The following CHD6 variants were observed in gnomAD, a reference collection of about 807,000 sequenced individuals.
CHD6 encodes ATP-dependent chromatin remodeler CHD6.
In CHD6, 50 loss-of-function variants were observed where a neutral mutation model predicts 276.9. The ratio of observed to expected loss-of-function variants is 0.18; its 90% CI spans 0.14 to 0.23. CHD6 has a LOEUF of 0.23. Among genes scored for constraint, CHD6 ranks in the 10% least tolerant of loss-of-function variants. The probability of loss-of-function intolerance (pLI) is 1.00; values close to 1 mark genes in which losing one functional copy is unlikely to be tolerated. For missense variants in CHD6, 2,564 were observed against 3,365.8 expected (o/e 0.76, Z 5.89); for synonymous variants, 1,173 against 1,229.3 (o/e 0.95, Z 0.96).
At chr20:41,530,791 A>T (rs1259577223) in intron 3 of CHD6, among the ~76,000 whole-genome samples, 1 of 152,240 alleles carries the variant, frequency 6.6e-6, no homozygotes, top group Non-Finnish European at 1.5e-5. Flanking sequence ...AGCTCATGTA[A>T]CTTGTCCACA....
At chr20:41,558,790 A>G (rs557252070) in intron 1 of CHD6, among the ~76,000 whole-genome samples, 9 of 152,044 alleles carry the variant, frequency 5.9e-5, no homozygotes, top group Non-Finnish European at 1.2e-4. Context: ...CTCTCCTCAA[A>G]TATCACCTTA....
chr20:41,498,811 A>ATGTATGTGTGTG (rs1555796111), intron 6 of CHD6, among the ~76,000 whole-genome samples: 14 of 86,608 alleles, frequency 1.6e-4, no homozygotes, highest in East Asian at 3.4e-4. Flanking sequence ...GTATGTATGT[A>ATGTATGTGTGTG]TGTGTGTGTG....
Position 41,404,548 on chromosome 20 carries a change from A to T in CHD6, c.*45T>A. ...GAGGGAAGTAACAAACCTTTATGGG[A>T]TAAGAAACTTACAAGTCACAATAAT... is the stretch of plus-strand genomic sequence containing the variant. On this transcript the variant is annotated 3_prime_UTR_variant, in exon 37 of 37. Coordinates refer to ENST00000373233, the MANE Select transcript of CHD6 (RefSeq NM_032221.5). The T allele has an allele frequency of 6.8e-7, 1 of 1,469,112 alleles. No individual in the cohort carries two copies. The highest frequency in any genetic ancestry group is 9.0e-7 in the Non-Finnish European group (1 of 1,108,698). The allele number at this position is 1,469,112 out of a possible 1,614,324, so 91.0% of individuals were successfully genotyped here. A position where few individuals can be genotyped will look rare whatever the true frequency, so the allele number is the denominator to read the frequency against.
chr20:41,595,986 C>G (rs1449296275), intron 1 of CHD6, among the ~76,000 whole-genome samples: 1 of 152,132 alleles, frequency 6.6e-6, no homozygotes, highest in African/African-American at 2.4e-5. Context: ...CCCCTGAAAA[C>G]AGAATCCCTA....
intron 1 of CHD6, among the ~76,000 whole-genome samples, chr20:41,553,499 CCTT>C (rs1257133722): frequency 6.6e-5 from 10 of 152,186 alleles, no homozygotes; most frequent in East Asian, 3.9e-4. Context: ...AACTTCCTCT[CCTT>C]CTTTGTTCTT....
rs374645887 is a variant in CHD6 at position 41,498,783 on chromosome 20, A to G, written c.915+512T>C. 1.5e-3 allele frequency among the ~76,000 whole-genome samples: 184 copies of G among 122,856 alleles called. 1 individual carries two copies. The highest frequency in any genetic ancestry group is 3.8e-3 in the African/African-American group (136 of 35,958). 80.6% of individuals were successfully genotyped at this position (122,856 alleles called of 152,430 possible). A position where few individuals can be genotyped will look rare whatever the true frequency, so the allele number is the denominator to read the frequency against. On this transcript the variant is annotated intron_variant, in intron 6 of 36. Transcript: ENST00000373233. ...GACTCATATGGGTGTGTATGTGTGT[A>G]TGTATGTATGTATGTATGTATGTAT...
chr20:41,561,270 C>T (rs867602928), intron 1 of CHD6, among the ~76,000 whole-genome samples: 2 of 152,182 alleles, frequency 1.3e-5, no homozygotes, highest in African/African-American at 4.8e-5. Context: ...ATTAAATCAA[C>T]ATTTAATTCA....
intron 5 of CHD6, among the ~76,000 whole-genome samples, chr20:41,506,737 A>C (rs1026431874): frequency 1.3e-5 from 2 of 152,186 alleles, no homozygotes; most frequent in Non-Finnish European, 2.9e-5. Context: ...AAAATCTGGC[A>C]AACACTGGAG....
intron 17 of CHD6, among the ~76,000 whole-genome samples, chr20:41,463,820 T>C (rs2042856383): frequency 1.3e-5 from 2 of 152,120 alleles, no homozygotes; most frequent in African/African-American, 2.4e-5. Context: ...GAACTGTGGA[T>C]TGGAGAATAG....
intron 24 of CHD6, among the ~76,000 whole-genome samples, chr20:41,446,707 G>T (rs1041278582): frequency 2.0e-5 from 3 of 152,110 alleles, no homozygotes; most frequent in African/African-American, 7.2e-5. Flanking sequence ...GGCTCTGCCT[G>T]CCCAGTGCCA....
chr20:41,565,346 G>C (rs1016811106), intron 1 of CHD6, among the ~76,000 whole-genome samples: 1 of 152,028 alleles, frequency 6.6e-6, no homozygotes, highest in Non-Finnish European at 1.5e-5. Flanking sequence ...CACCCGCCTC[G>C]GCCTCCCAAA....
At chr20:41,450,866 T>C in intron 23 of CHD6, 80 bp downstream of exon 23, 1 of 1,294,294 alleles carries the variant, frequency 7.7e-7, no homozygotes, top group Non-Finnish European at 1.1e-6. Context: ...GAGCATGAAG[T>C]GCTCTCCCTG....
intron 36 of CHD6, among the ~76,000 whole-genome samples, chr20:41,406,265 T>C (rs2046672046): frequency 6.6e-6 from 1 of 152,226 alleles, no homozygotes; most frequent in Non-Finnish European, 1.5e-5. Context: ...AGACCATCTA[T>C]TTTTTCTCTA....
intron 1 of CHD6, among the ~76,000 whole-genome samples, chr20:41,571,389 A>ATTTTTT (rs11373605): frequency 1.5e-5 from 2 of 129,964 alleles, no homozygotes; most frequent in African/African-American, 6.0e-5. Context: ...CTGGCCATTA[A>ATTTTTT]TTTTTTTTTT....
intron 5 of CHD6, among the ~76,000 whole-genome samples, chr20:41,504,970 G>A (rs973024390): frequency 5.3e-5 from 8 of 152,162 alleles, no homozygotes; most frequent in Non-Finnish European, 8.8e-5. Context: ...GGGCGAGGGG[G>A]TGGTCCCTTT....
At chr20:41,603,641 G>A (rs2045795939) in intron 1 of CHD6, among the ~76,000 whole-genome samples, 1 of 152,154 alleles carries the variant, frequency 6.6e-6, no homozygotes, top group African/African-American at 2.4e-5. Flanking sequence ...CAAGGCAGGT[G>A]GATTGCCTGA....
At position 41,539,019 on chromosome 20, in the gene CHD6, C is replaced by T. The variant is rs150692593; in HGVS notation, c.34-5449G>A. On this transcript the variant is annotated intron_variant, in intron 2 of 36. Coordinates refer to ENST00000373233, the MANE Select transcript of CHD6 (RefSeq NM_032221.5). ...ATACCCTGCATGGACTGCCCAGATACGCCGCAGTGACTCCACTGAACTCTA... is the reference window on the plus strand; with the variant it reads ...ATACCCTGCATGGACTGCCCAGATATGCCGCAGTGACTCCACTGAACTCTA... 2.6e-4 allele frequency among the ~76,000 whole-genome samples: 40 copies of T among 152,268 alleles called. No homozygotes were observed. In the East Asian group the frequency reaches 6.0e-3, roughly 23 times the overall value.
chr20:41,427,573 A>G (rs562593283), intron 27 of CHD6, among the ~76,000 whole-genome samples: 80 of 152,332 alleles, frequency 5.3e-4, no homozygotes, highest in Middle Eastern at 6.8e-3. Context: ...TTGAGAGCCA[A>G]CACTTTCAAC....
chr20:41,488,392 G>A, intron 13 of CHD6, 36 bp downstream of exon 13: 2 of 1,562,896 alleles, frequency 1.3e-6, no homozygotes, highest in Non-Finnish European at 1.7e-6. Flanking sequence ...TGAACAAAAG[G>A]AACCTGTGTT....
Sources: gnomAD v4.1 joint callset for allele counts (sites outside exome capture counted in the v4.1 genomes callset) on GRCh38, gnomAD v4.1.1 for gene constraint, MANE v1.5 for transcripts, NCBI Gene and HGNC (gene_info 2026-07-23, HGNC 2026-07-21) for gene names.